Variants in OR51B5 observed in about 807,000 individuals in gnomAD.
OR51B5 encodes the protein olfactory receptor 51B5.
For missense variants in OR51B5, 456 were observed against 374.6 expected (o/e 1.22, Z -1.79); for synonymous variants, 186 against 144.8 (o/e 1.28, Z -2.04).
intron 1 of OR51B5, chr11:5,390,604 T>A (rs1464207555): frequency 8.1e-6 from 4 of 493,502 alleles, no homozygotes; most frequent in African/African-American, 3.9e-5. Context: ...TTTGGTAGCA[T>A]CAAAGCTATC....
intron 1 of OR51B5, chr11:5,403,170 G>A (rs1399236077): frequency 8.6e-6 from 4 of 464,900 alleles, no homozygotes; most frequent in South Asian, 1.6e-5. Flanking sequence ...TCTATCTTGT[G>A]GGAACATTTC....
At chr11:5,486,399 G>A (rs1401900211) in intron 1 of OR51B5, among the ~76,000 whole-genome samples, 1 of 110,298 alleles carries the variant, frequency 9.1e-6, no homozygotes, top group African/African-American at 3.5e-5. Context: ...TCCACACAGT[G>A]ACTGGTCCAT....
intron 1 of OR51B5, among the ~76,000 whole-genome samples, chr11:5,417,502 G>A (rs1206540678): frequency 1.3e-5 from 2 of 150,700 alleles, no homozygotes; most frequent in African/African-American, 4.9e-5. Flanking sequence ...CCCACAAAAT[G>A]GGAGAAAATT....
chr11:5,399,274 C>T (rs1849930378), intron 1 of OR51B5, among the ~76,000 whole-genome samples: 2 of 151,980 alleles, frequency 1.3e-5, no homozygotes, highest in Admixed American at 1.3e-4. Flanking sequence ...TATCAGTGAG[C>T]CAATAACAAG....
At chr11:5,391,392 G>C (rs895685253) in intron 1 of OR51B5, 1 of 152,204 alleles carries the variant, frequency 6.6e-6, no homozygotes, top group African/African-American at 2.4e-5. Flanking sequence ...GTAATGTCCT[G>C]TTTATGAAGG....
At chr11:5,489,955 C>T (rs1240206265) in intron 1 of OR51B5, among the ~76,000 whole-genome samples, 1 of 152,174 alleles carries the variant, frequency 6.6e-6, no homozygotes, top group African/African-American at 2.4e-5. Context: ...TCTTCAGAGG[C>T]ATCTGGATTT....
intron 1 of OR51B5, chr11:5,441,175 A>T (rs1564814658): frequency 6.2e-7 from 1 of 1,613,948 alleles, no homozygotes; most frequent in Non-Finnish European, 8.5e-7. Flanking sequence ...AGTATGCCTG[A>T]CTCCATGAAG....
intron 1 of OR51B5, among the ~76,000 whole-genome samples, chr11:5,378,340 C>G (rs1849559262): frequency 6.6e-6 from 1 of 151,948 alleles, no homozygotes; most frequent in South Asian, 2.1e-4. Context: ...AAACATTAGA[C>G]CTAAAACCAT....
At chr11:5,381,159 T>TTC (rs71050492) in intron 1 of OR51B5, among the ~76,000 whole-genome samples, 51,701 of 109,630 alleles carry the variant, frequency 0.47, 9,488 homozygotes, top group Non-Finnish European at 0.55. Flanking sequence ...CGCTCGCTGT[T>TTC]TCTCTCTCTC....
At chr11:5,486,839 G>A (rs1293008581) in intron 1 of OR51B5, among the ~76,000 whole-genome samples, 2 of 151,842 alleles carry the variant, frequency 1.3e-5, no homozygotes, top group Non-Finnish European at 2.9e-5. Flanking sequence ...CAGTAAAATC[G>A]TGTTTCTTTG....
chr11:5,441,894 T>A (rs940703235), intron 1 of OR51B5, among the ~76,000 whole-genome samples: 1 of 152,132 alleles, frequency 6.6e-6, no homozygotes, highest in Non-Finnish European at 1.5e-5. Context: ...TACTATAAAT[T>A]TACAGATTCA....
chr11:5,402,986 A>C (rs1457328017), intron 1 of OR51B5: 1 of 471,302 alleles, frequency 2.1e-6, no homozygotes, highest in Non-Finnish European at 4.4e-6. Flanking sequence ...ATAGCCATCT[A>C]CAGCCCACTG....
At chr11:5,465,412 G>C (rs533580246) in intron 1 of OR51B5, among the ~76,000 whole-genome samples, 1 of 151,964 alleles carries the variant, frequency 6.6e-6, no homozygotes, top group Non-Finnish European at 1.5e-5. Flanking sequence ...CTTTTGAGAA[G>C]TGTCAAGCTA....
At chr11:5,414,455 A>G (rs563479306) in intron 1 of OR51B5, among the ~76,000 whole-genome samples, 38 of 151,900 alleles carry the variant, frequency 2.5e-4, no homozygotes, top group African/African-American at 9.2e-4. Context: ...AAGTAAATGG[A>G]CTAAATGCTC....
intron 1 of OR51B5, among the ~76,000 whole-genome samples, chr11:5,380,634 A>G (rs1360434149): frequency 6.6e-6 from 1 of 152,250 alleles, no homozygotes; most frequent in Non-Finnish European, 1.5e-5. Flanking sequence ...AAGGCCACAC[A>G]CATAGATTTG....
intron 1 of OR51B5, chr11:5,390,672 A>C (rs1849782110): frequency 3.2e-6 from 1 of 317,146 alleles, no homozygotes; most frequent in Non-Finnish European, 5.8e-6. Flanking sequence ...AATGAAACTA[A>C]ATAAAAACTA....
chr11:5,471,704 A>G (rs1210861884), intron 1 of OR51B5, among the ~76,000 whole-genome samples: 2 of 152,122 alleles, frequency 1.3e-5, no homozygotes, highest in African/African-American at 4.8e-5. Context: ...CATAAGAGCT[A>G]CATGTTTTTA....
At chr11:5,449,573 G>A (rs931598337) in intron 1 of OR51B5, among the ~76,000 whole-genome samples, 1 of 152,166 alleles carries the variant, frequency 6.6e-6, no homozygotes, top group African/African-American at 2.4e-5. Context: ...TGTACTGATT[G>A]TATAACCCCA....
At chr11:5,403,422 G>A (rs945691750) in intron 1 of OR51B5, 8 of 471,338 alleles carry the variant, frequency 1.7e-5, no homozygotes, top group Non-Finnish European at 3.5e-5. Flanking sequence ...TCTGCTGCAA[G>A]CCATGATGGC....
Sources: allele counts gnomAD v4.1 joint callset (sites outside exome capture counted in the v4.1 genomes callset), GRCh38; gene constraint gnomAD v4.1.1; transcripts MANE v1.5; gene names NCBI Gene and HGNC (gene_info 2026-07-23, HGNC 2026-07-21).